Variants in ZNF280B observed in about 807,000 individuals in gnomAD.
The protein encoded by ZNF280B is suppressor of hairy wing homolog 2.
In ZNF280B, 16 loss-of-function variants were observed where a neutral mutation model predicts 38.0. That is an observed-to-expected ratio of 0.42 (90% CI 0.28 to 0.64). The LOEUF is 0.64. ZNF280B is among the 30% of genes least tolerant of loss of function. ZNF280B has a pLI of 0.21. For missense variants in ZNF280B, 581 were observed against 639.6 expected (o/e 0.91, Z 0.99); for synonymous variants, 253 against 230.6 (o/e 1.10, Z -0.88).
rs1168272984 is a variant in ZNF280B, at chr22:22,484,937, C to T, written c.*2830G>A. 6.6e-6 allele frequency: 1 copy of T among 151,506 alleles called. No homozygotes were observed. Among genetic ancestry groups the T allele is most frequent in the Non-Finnish European group, 1.5e-5 (1 of 67,896 alleles). The allele number at this position is 151,506 out of a possible 1,614,324, so 9.4% of individuals were successfully genotyped here. ...AAGCTCAATGAACCAAAGGAAGTGT[C>T]AAACAATTAAGTGAGGTAGCAAGCC... On this transcript the variant is annotated 3_prime_UTR_variant, in exon 4 of 4. Transcript: ENST00000626650.
intron 2 of ZNF280B, among the ~76,000 whole-genome samples, chr22:22,495,843 G>A (rs868638746): frequency 6.6e-6 from 1 of 151,354 alleles, no homozygotes; most frequent in Non-Finnish European, 1.5e-5. Context: ...GCCCAGGCTG[G>A]AGTGCAGTGG....
intron 2 of ZNF280B, among the ~76,000 whole-genome samples, chr22:22,504,115 A>G (rs2061882924): frequency 1.3e-5 from 2 of 152,014 alleles, no homozygotes; most frequent in Admixed American, 1.3e-4. Context: ...CAAGTATAAG[A>G]AGCTAACAAA....
At chr22:22,494,773 G>C (rs1409586527) in intron 2 of ZNF280B, among the ~76,000 whole-genome samples, 1 of 151,746 alleles carries the variant, frequency 6.6e-6, no homozygotes, top group Admixed American at 6.6e-5. Context: ...GTCTTGCTCT[G>C]TCACCCAGGC....
chr22:22,505,967 A>G lies in ZNF280B; in HGVS notation c.-187+1843T>C, dbSNP rs141745615. On this transcript the variant is annotated intron_variant, in intron 2 of 3. Transcript: ENST00000626650. ...AAGAAGCTACTGAAATATTATGAAC[A>G]AAAGATGATGGTAGTATCAGACAGG... 3.6e-4 allele frequency among the ~76,000 whole-genome samples: 55 copies of G among 152,022 alleles called. No individual in the cohort carries two copies. In the East Asian group the frequency reaches 9.8e-3, roughly 27 times the overall value.
Position 22,506,190 on chromosome 22 carries a change from T to G in ZNF280B, c.-187+1620A>C, listed in dbSNP as rs1413264706. Among the ~76,000 whole-genome samples, 3 of 151,944 alleles carry G rather than the reference T, an allele frequency of 2.0e-5. No individual in the cohort carries two copies. In the East Asian group the frequency reaches 5.9e-4, roughly 30 times the overall value. On this transcript the variant is annotated intron_variant, in intron 2 of 3. Coordinates refer to ENST00000626650, the MANE Select transcript of ZNF280B (RefSeq NM_080764.4). Reference sequence around the variant, plus strand: ...TACTTAAATTTTGAAGTCTTCAGTATGTAGCATTATTTAAAACACAAGACT... The same window carrying G: ...TACTTAAATTTTGAAGTCTTCAGTAGGTAGCATTATTTAAAACACAAGACT...
At chr22:22,502,046 G>A (rs763167126) in intron 2 of ZNF280B, among the ~76,000 whole-genome samples, 1 of 151,906 alleles carries the variant, frequency 6.6e-6, no homozygotes, top group Non-Finnish European at 1.5e-5. Context: ...AGGATCACTG[G>A]AGCCTGGGAG....
At chr22:22,506,981 G>A (rs951841157) in intron 2 of ZNF280B, among the ~76,000 whole-genome samples, 2 of 151,888 alleles carry the variant, frequency 1.3e-5, no homozygotes, top group African/African-American at 4.8e-5. Flanking sequence ...AGGAAGTGAT[G>A]GTATGCCACT....
chr22:22,494,280 AC>A (rs774786356), intron 2 of ZNF280B, 100 bp from the exon 3 acceptor site: 10 of 151,956 alleles, frequency 6.6e-5, no homozygotes, highest in Non-Finnish European at 1.2e-4. Flanking sequence ...GGACTTCCTA[AC>A]CAGTTGCTCT....
chr22:22,494,747 T>G lies in ZNF280B; in HGVS notation c.-186-567A>C, dbSNP rs565011068. ...CCTTCTACTAGATCATTGTTTTTTG[T>G]TTTTTTTGAGATGGAGTCTTGCTCT... On this transcript the variant is annotated intron_variant, in intron 2 of 3. Coordinates refer to ENST00000626650, the MANE Select transcript of ZNF280B (RefSeq NM_080764.4). 1.6e-4 allele frequency among the ~76,000 whole-genome samples: 25 copies of G among 151,582 alleles called. No individual in the cohort carries two copies. In the South Asian group the frequency reaches 4.6e-3, roughly 28 times the overall value.
At position 22,488,763 on chromosome 22, in the gene ZNF280B, A is replaced by G. The variant is rs779502786; in HGVS notation, c.636T>C (p.Asn212=). 6.2e-7 allele frequency: 1 copy of G among 1,613,888 alleles called. No individual in the cohort carries two copies. Among genetic ancestry groups the G allele is most frequent in the Non-Finnish European group, 8.5e-7 (1 of 1,179,966 alleles). ...SFPSDTFHTM[N]TQQSTPSNNV... ...TATTTGAGGGTGTACTTTGCTGAGT[A>G]TTCATTGTATGAAAGGTATCTGAAG... is the stretch of plus-strand genomic sequence containing the variant. The change falls in exon 4 of 4, where the codon AAT becomes AAC. Residue 212 remains asparagine (N), a synonymous_variant. Transcript: ENST00000626650.
intron 2 of ZNF280B, among the ~76,000 whole-genome samples, chr22:22,500,016 A>T (rs574487618): frequency 6.4e-4 from 97 of 152,104 alleles, no homozygotes; most frequent in Non-Finnish European, 1.2e-3. Context: ...AGTGTCATTA[A>T]TCATAAAAGC....
At chr22:22,499,496 A>G in intron 2 of ZNF280B, among the ~76,000 whole-genome samples, 1 of 150,446 alleles carries the variant, frequency 6.6e-6, no homozygotes, top group East Asian at 2.1e-4. Context: ...CGAACTCCCG[A>G]CCTCAGGTGA....
Position 22,484,671 on chromosome 22 carries a change from T to G in ZNF280B, c.*3096A>C, listed in dbSNP as rs2061483122. ...AGAAAGCTCCTGAAAGAACTCACTA[T>G]ATTAATTTTCATTTGGTTGCAGGCA... On this transcript the variant is annotated 3_prime_UTR_variant, in exon 4 of 4. Transcript: ENST00000626650. 2.0e-5 allele frequency: 3 copies of G among 152,340 alleles called. No homozygotes were observed. In the Admixed American group the frequency reaches 2.0e-4, roughly 10 times the overall value. 9.4% of individuals were successfully genotyped at this position (152,340 alleles called of 1,614,324 possible).
At chr22:22,506,965 T>C (rs1569187972) in intron 2 of ZNF280B, among the ~76,000 whole-genome samples, 1 of 151,906 alleles carries the variant, frequency 6.6e-6, no homozygotes, top group East Asian at 2.0e-4. Context: ...ATCAAGCACA[T>C]ACAGCAGGAA....
intron 2 of ZNF280B, among the ~76,000 whole-genome samples, chr22:22,497,897 G>C (rs762258644): frequency 1.3e-5 from 2 of 151,802 alleles, no homozygotes; most frequent in Non-Finnish European, 2.9e-5. Context: ...AGGTACTCAA[G>C]TACATGTATA....
chr22:22,495,778 G>A (rs898622670), intron 2 of ZNF280B, among the ~76,000 whole-genome samples: 1 of 151,536 alleles, frequency 6.6e-6, no homozygotes, highest in African/African-American at 2.4e-5. Flanking sequence ...TCCCCTCCTA[G>A]ACTCTCAGGC....
At chr22:22,504,408 C>T (rs1196585154) in intron 2 of ZNF280B, among the ~76,000 whole-genome samples, 13 of 147,980 alleles carry the variant, frequency 8.8e-5, no homozygotes, top group Non-Finnish European at 1.8e-4. Context: ...GCCTGGACAA[C>T]ACAGCAAGAC....
chr22:22,505,653 G>GGGAGGCTGA (rs2061922790), intron 2 of ZNF280B, among the ~76,000 whole-genome samples: 1 of 151,726 alleles, frequency 6.6e-6, no homozygotes, highest in Non-Finnish European at 1.5e-5. Context: ...CCAGCTACTT[G>GGGAGGCTGA]GGAGGCTGAG....
At chr22:22,507,291 T>C (rs1026516148) in intron 2 of ZNF280B, among the ~76,000 whole-genome samples, 43 of 152,050 alleles carry the variant, frequency 2.8e-4, no homozygotes, top group Middle Eastern at 3.5e-3. Flanking sequence ...TCAAAAACTA[T>C]GAGGTAATAA....
Sources: gnomAD v4.1 joint callset for allele counts (sites outside exome capture counted in the v4.1 genomes callset) on GRCh38, gnomAD v4.1.1 for gene constraint, MANE v1.5 for transcripts, NCBI Gene and HGNC (gene_info 2026-07-23, HGNC 2026-07-21) for gene names.